SEL1L2: variants seen among roughly 807,000 people sequenced by gnomAD.
SEL1L2 encodes SEL1L2 adaptor subunit of SYVN1 ubiquitin ligase.
Under a neutral mutation model 98.8 loss-of-function variants are expected in SEL1L2, and 89 were observed. That is an observed-to-expected ratio of 0.90 (90% CI 0.76 to 1.07). The LOEUF (loss-of-function observed/expected upper bound fraction) is 1.07, where lower values mean the gene tolerates loss of function less well. Ranked by LOEUF, SEL1L2 falls within the 50% of genes least tolerant of loss-of-function variation. The pLI, the probability that SEL1L2 is intolerant of heterozygous loss-of-function variation, is 0.00. For synonymous variants in SEL1L2, 262 were observed against 278.5 expected (o/e 0.94, Z 0.59); for missense variants, 788 against 812.0 (o/e 0.97, Z 0.36).
At chr20:13,951,000 G>A (rs956590284) in intron 2 of SEL1L2, among the ~76,000 whole-genome samples, 1 of 152,092 alleles carries the variant, frequency 6.6e-6, no homozygotes, top group Non-Finnish European at 1.5e-5. Context: ...TTAGAGGCCG[G>A]GCGCGGTGGC....
intron 5 of SEL1L2, among the ~76,000 whole-genome samples, chr20:13,895,998 C>G (rs1241843287): frequency 6.6e-6 from 1 of 152,090 alleles, no homozygotes. Context: ...CATAGCAAAA[C>G]TCCATCTCTA....
chr20:13,986,255 CAT>C (rs2052177495), intron 1 of SEL1L2, among the ~76,000 whole-genome samples: 1 of 152,072 alleles, frequency 6.6e-6, no homozygotes, highest in South Asian at 2.1e-4. Context: ...AGGTGAAATC[CAT>C]ATAACATAAA....
chr20:13,884,270 A>C (rs927339546), intron 10 of SEL1L2, among the ~76,000 whole-genome samples: 1 of 152,150 alleles, frequency 6.6e-6, no homozygotes, highest in African/African-American at 2.4e-5. Flanking sequence ...GACAAGGAGC[A>C]TGTGGCTCCT....
At chr20:13,872,540 T>C (rs1042882969) in intron 12 of SEL1L2, among the ~76,000 whole-genome samples, 1 of 152,212 alleles carries the variant, frequency 6.6e-6, no homozygotes, top group South Asian at 2.1e-4. Flanking sequence ...ATTAAATCTC[T>C]TTCCTTTATA....
chr20:13,950,824 C>T (rs2050224959), intron 2 of SEL1L2, among the ~76,000 whole-genome samples: 1 of 152,044 alleles, frequency 6.6e-6, no homozygotes, highest in African/African-American at 2.4e-5. Flanking sequence ...AGGATACCTA[C>T]CACCCTATCC....
rs1991112723 is a variant in SEL1L2 at position 13,866,785 on chromosome 20, C to T, written c.1321G>A (p.Gly441Arg). 1.2e-6 allele frequency: 2 copies of T among 1,613,204 alleles called. No homozygotes were observed. The highest frequency in any genetic ancestry group is 4.5e-5 in the East Asian group (2 of 44,820). Residue 441 changes from glycine to arginine, a missense_variant, in exon 15 of 20, where the codon GGG becomes AGG. Transcript: ENST00000284951. ...AGATAATAAATGGCAAGGGGCTGCCCACTCTGAGATGCCAGGTAAAAATAT... is the reference window on the plus strand; with the variant it reads ...AGATAATAAATGGCAAGGGGCTGCCTACTCTGAGATGCCAGGTAAAAATAT... Reference protein sequence around the residue: ...FKYFYLASQSGQPLAIYYLAK... With the variant: ...FKYFYLASQSRQPLAIYYLAK...
At chr20:13,939,040 G>GTT (rs386365633) in intron 2 of SEL1L2, among the ~76,000 whole-genome samples, 3 of 114,072 alleles carry the variant, frequency 2.6e-5, no homozygotes, top group African/African-American at 6.9e-5. Context: ...TGCTTGTTTT[G>GTT]TTTTTTTTTT....
intron 3 of SEL1L2, 125 bp from the exon 4 acceptor site, chr20:13,919,248 A>G (rs2048546726): frequency 8.4e-6 from 5 of 598,038 alleles, no homozygotes; most frequent in South Asian, 5.0e-5. Context: ...AAACCTCTGC[A>G]TTCAAGAAGA....
At chr20:13,982,134 T>C (rs2051857911) in intron 1 of SEL1L2, among the ~76,000 whole-genome samples, 2 of 152,204 alleles carry the variant, frequency 1.3e-5, no homozygotes, top group South Asian at 2.1e-4. Flanking sequence ...TAGGTGAGTG[T>C]CTGAGAGAGT....
intron 1 of SEL1L2, among the ~76,000 whole-genome samples, chr20:13,968,367 T>G (rs986348244): frequency 6.6e-6 from 1 of 151,756 alleles, no homozygotes; most frequent in Non-Finnish European, 1.5e-5. Context: ...TGATGCAATG[T>G]GCCTGGCACA....
intron 16 of SEL1L2, 46 bp from the exon 17 acceptor site, chr20:13,865,287 T>C: frequency 6.2e-7 from 1 of 1,608,386 alleles, no homozygotes; most frequent in Non-Finnish European, 8.5e-7. Flanking sequence ...AATGCCTCTG[T>C]AGTAAAGTCA....
At chr20:13,979,297 AC>A (rs2051696280) in intron 1 of SEL1L2, among the ~76,000 whole-genome samples, 5 of 152,232 alleles carry the variant, frequency 3.3e-5, no homozygotes, top group Admixed American at 3.3e-4. Flanking sequence ...GTTAATTGAT[AC>A]AAAAATACAG....
In SEL1L2 at chr20:13,896,514, C is replaced by A. The variant is rs571153028; in HGVS notation, c.550-8002G>T. Among the ~76,000 whole-genome samples the A allele has an allele frequency of 4.7e-3, 710 of 149,632 alleles. 8 individuals are homozygous for A. The highest frequency in any genetic ancestry group is 0.016 in the African/African-American group (652 of 40,806). On this transcript the variant is annotated intron_variant, in intron 5 of 19. Transcript: ENST00000284951. ...ACAAATAAACAAACAACTCCCCCCC[C>A]CCCCACACACAAAAAACTAATAAAT...
At chr20:13,954,546 GTGTTT>G (rs1181391517) in intron 2 of SEL1L2, among the ~76,000 whole-genome samples, 1 of 152,074 alleles carries the variant, frequency 6.6e-6, no homozygotes, top group Non-Finnish European at 1.5e-5. Context: ...GTTTTGTATT[GTGTTT>G]TGTTTTGTTT....
At chr20:13,944,196 G>A (rs1190309230) in intron 2 of SEL1L2, among the ~76,000 whole-genome samples, 3 of 152,182 alleles carry the variant, frequency 2.0e-5, no homozygotes, top group African/African-American at 7.2e-5. Context: ...CTGGAATAGG[G>A]TGAGTAATGG....
chr20:13,876,471 G>A (rs1457730746), intron 11 of SEL1L2, among the ~76,000 whole-genome samples: 3 of 135,252 alleles, frequency 2.2e-5, no homozygotes, highest in Non-Finnish European at 4.5e-5. Context: ...CAGGACATTC[G>A]TCCCTATGGT....
At chr20:13,989,829 T>A (rs2148592012) in intron 1 of SEL1L2, among the ~76,000 whole-genome samples, 1 of 152,256 alleles carries the variant, frequency 6.6e-6, no homozygotes, top group Non-Finnish European at 1.5e-5. Context: ...TCCTTTTCTC[T>A]GACAGGGAAT....
At chr20:13,972,269 G>A (rs1489464428) in intron 1 of SEL1L2, among the ~76,000 whole-genome samples, 2 of 152,172 alleles carry the variant, frequency 1.3e-5, no homozygotes, top group Non-Finnish European at 2.9e-5. Flanking sequence ...CAGATGTACA[G>A]CTTTAATTTA....
At chr20:13,873,326 G>T (rs1478328210) in intron 12 of SEL1L2, among the ~76,000 whole-genome samples, 2 of 151,732 alleles carry the variant, frequency 1.3e-5, no homozygotes, top group Non-Finnish European at 2.9e-5. Flanking sequence ...TAGATGTTTA[G>T]ATTTGGATGT....
Sources: gnomAD v4.1 joint callset for allele counts (sites outside exome capture counted in the v4.1 genomes callset) on GRCh38, gnomAD v4.1.1 for gene constraint, MANE v1.5 for transcripts, NCBI Gene and HGNC (gene_info 2026-07-23, HGNC 2026-07-21) for gene names.